ALG6: variants seen among roughly 807,000 people sequenced by gnomAD.
The protein encoded by ALG6 is dolichyl pyrophosphate Man9GlcNAc2 alpha-1,3-glucosyltransferase.
Under a neutral mutation model 66.6 loss-of-function variants are expected in ALG6, and 46 were observed. The ratio of observed to expected loss-of-function variants is 0.69; its 90% confidence interval spans 0.55 to 0.88. The LOEUF (loss-of-function observed/expected upper bound fraction) is 0.88, where lower values mean the gene tolerates loss of function less well. ALG6 is among the 40% of genes least tolerant of loss of function. The pLI is 0.00. For synonymous variants in ALG6, 185 were observed against 203.7 expected, an observed-to-expected ratio of 0.91 and a Z score of 0.78; for missense variants, 505 against 586.8, an observed-to-expected ratio of 0.86 and a Z score of 1.44.
chr1:63,413,035 G>T (rs1336352295), intron 9 of ALG6, among the ~76,000 whole-genome samples: 1 of 152,168 alleles, frequency 6.6e-6, no homozygotes, highest in African/African-American at 2.4e-5. Context: ...TGGTAGTGAT[G>T]ATCTAAATAA....
chr1:63,422,071 ATATC>A (rs1312144816), intron 12 of ALG6, among the ~76,000 whole-genome samples: 6 of 137,632 alleles, frequency 4.4e-5, no homozygotes, highest in South Asian at 2.1e-4. Flanking sequence ...ATTTATATAA[ATATC>A]TATATAAATA....
Position 63,411,900 on chromosome 1 carries a change from A to G in ALG6, c.681-26A>G. ...AGAATTACTGACCTTTCCCTATCTT[A>G]CTGCCTACCTTTGTTTTTGTTTTAG... is the stretch of plus-strand genomic sequence containing the variant. On this transcript the variant is annotated intron_variant, in intron 8 of 14. Coordinates refer to ENST00000263440, the MANE Select transcript of ALG6 (RefSeq NM_013339.4). 1.9e-6 allele frequency: 3 copies of G among 1,613,868 alleles called. No individual in the cohort carries two copies. In the Admixed American group the frequency reaches 5.0e-5, roughly 27 times the overall value.
intron 3 of ALG6, among the ~76,000 whole-genome samples, chr1:63,400,513 G>A (rs149613450): frequency 6.6e-6 from 1 of 150,544 alleles, no homozygotes; most frequent in Non-Finnish European, 1.5e-5. Context: ...CATAAGAATG[G>A]GGAGCACTGT....
rs1644440569 is a variant in ALG6 at position 63,400,205 on chromosome 1, A to AT, written c.168-2049_168-2048insT. Among the ~76,000 whole-genome samples the AT allele has an allele frequency of 4.8e-5, 2 of 41,664 alleles. 1 individual carries two copies. The highest frequency in any genetic ancestry group is 7.2e-5 in the Non-Finnish European group (2 of 27,654). 27.3% of individuals were successfully genotyped at this position (41,664 alleles called of 152,430 possible). A position where few individuals can be genotyped will look rare whatever the true frequency, so the allele number is the denominator to read the frequency against. ...GCAAAACTCTGTCTCAAAAAAAAAA[A>AT]AATATATATATATATACGTATATAT... On this transcript the variant is annotated intron_variant, in intron 3 of 14. Coordinates refer to ENST00000263440, the MANE Select transcript of ALG6 (RefSeq NM_013339.4).
intron 2 of ALG6, among the ~76,000 whole-genome samples, chr1:63,393,087 T>C (rs1189654170): frequency 6.6e-6 from 1 of 152,178 alleles, no homozygotes; most frequent in East Asian, 1.9e-4. Context: ...CTCTCTGACT[T>C]TTATTATCCC....
rs903370494 is a variant in ALG6 at position 63,437,474 on chromosome 1, C to T, written c.*454C>T. 2.9e-5 allele frequency: 5 copies of T among 174,014 alleles called. No homozygotes were observed. The highest frequency in any genetic ancestry group is 4.9e-5 in the Non-Finnish European group (4 of 81,752). 10.8% of individuals were successfully genotyped at this position (174,014 alleles called of 1,614,324 possible). A position where few individuals can be genotyped will look rare whatever the true frequency, so the allele number is the denominator to read the frequency against. On this transcript the variant is annotated 3_prime_UTR_variant, in exon 15 of 15. Coordinates refer to ENST00000263440, the MANE Select transcript of ALG6 (RefSeq NM_013339.4). Reference sequence around the variant, plus strand: ...TCACTAATTTTGGTATTCAAACTTACATTTTAGAATGCAAGTAGTGTGTAT... The same window carrying T: ...TCACTAATTTTGGTATTCAAACTTATATTTTAGAATGCAAGTAGTGTGTAT...
At chr1:63,407,979 A>T (rs1210889940) in intron 7 of ALG6, among the ~76,000 whole-genome samples, 3 of 152,180 alleles carry the variant, frequency 2.0e-5, no homozygotes, top group Non-Finnish European at 4.4e-5. Flanking sequence ...TATCAAGAAC[A>T]GTGATAGAAA....
chr1:63,429,187 T>C, intron 14 of ALG6, 61 bp downstream of exon 14: 1 of 1,220,642 alleles, frequency 8.2e-7, no homozygotes, highest in Non-Finnish European at 1.2e-6. Context: ...AAAAAATTAT[T>C]GAAGTAGTGA....
At chr1:63,430,675 C>T (rs778535289) in intron 14 of ALG6, among the ~76,000 whole-genome samples, 1 of 152,134 alleles carries the variant, frequency 6.6e-6, no homozygotes, top group South Asian at 2.1e-4. Context: ...ATGTGCTTAT[C>T]GGCCATTTGT....
At chr1:63,410,444 T>C (rs12407241) in intron 7 of ALG6, among the ~76,000 whole-genome samples, 26,413 of 151,962 alleles carry the variant, frequency 0.17, 2,443 homozygotes, top group Middle Eastern at 0.25. Flanking sequence ...TTTGTAGAGA[T>C]GGGGTTTTGC....
intron 2 of ALG6, among the ~76,000 whole-genome samples, chr1:63,391,147 A>T (rs1453891261): frequency 2.6e-5 from 4 of 152,132 alleles, no homozygotes; most frequent in Non-Finnish European, 5.9e-5. Context: ...TTGTTTTAAG[A>T]TTGTAATTAA....
intron 7 of ALG6, among the ~76,000 whole-genome samples, chr1:63,410,125 C>G (rs1162752527): frequency 1.3e-5 from 2 of 152,274 alleles, no homozygotes; most frequent in East Asian, 1.9e-4. Context: ...TGAGTCTCCT[C>G]TATGTATATA....
At position 63,371,089 on chromosome 1, in the gene ALG6, A is replaced by G. The variant is rs373857344; in HGVS notation, c.82+30A>G. The G allele has an allele frequency of 4.6e-6, 7 of 1,514,260 alleles. No homozygotes were observed. The East Asian group carries it at 6.8e-5, about 15-fold the overall frequency. The allele number at this position is 1,514,260 out of a possible 1,614,324, so 93.8% of individuals were successfully genotyped here. ...TACATTTTTACTGGTTAAAAAAAAA[A>G]CGAAATTTTCCTTTGAATAGGTGTT... On this transcript the variant is annotated intron_variant, in intron 2 of 14. Coordinates refer to ENST00000263440, the MANE Select transcript of ALG6 (RefSeq NM_013339.4).
chr1:63,423,899 C>G (rs530896241), intron 12 of ALG6, among the ~76,000 whole-genome samples: 5 of 152,312 alleles, frequency 3.3e-5, no homozygotes, highest in African/African-American at 1.2e-4. Flanking sequence ...CCAGACTTTT[C>G]CATAGTGGCT....
At chr1:63,432,935 TTTTA>T (rs1644654816) in intron 14 of ALG6, among the ~76,000 whole-genome samples, 1 of 152,092 alleles carries the variant, frequency 6.6e-6, no homozygotes, top group Admixed American at 6.5e-5. Context: ...CTTGCCTAAT[TTTTA>T]TTTTTTATTT....
chr1:63,434,413 G>A (rs1237933358), intron 14 of ALG6, among the ~76,000 whole-genome samples: 1 of 152,190 alleles, frequency 6.6e-6, no homozygotes, highest in Non-Finnish European at 1.5e-5. Context: ...GGTGGGGGCA[G>A]TCGGGAGTAT....
intron 14 of ALG6, among the ~76,000 whole-genome samples, chr1:63,434,555 G>C (rs1236147507): frequency 6.6e-6 from 1 of 152,190 alleles, no homozygotes; most frequent in African/African-American, 2.4e-5. Flanking sequence ...ACTGAAGCTG[G>C]CTTTGAATGC....
In ALG6 at chr1:63,390,854, T is replaced by C. The variant is rs112483146; in HGVS notation, c.83-5659T>C. Among the ~76,000 whole-genome samples, 422 of 152,338 alleles carry C rather than the reference T, an allele frequency of 2.8e-3. 4 individuals are homozygous for C. Among genetic ancestry groups the C allele is most frequent in the African/African-American group, 9.3e-3 (387 of 41,588 alleles). On this transcript the variant is annotated intron_variant, in intron 2 of 14. Coordinates refer to ENST00000263440, the MANE Select transcript of ALG6 (RefSeq NM_013339.4). ...ACACACAGATTCTCTCTTCATGCCA[T>C]GCAGCTGCTGCTGGGGAATGGAGAA...
chr1:63,420,268 T>A (rs779261076), intron 12 of ALG6, among the ~76,000 whole-genome samples: 1 of 152,192 alleles, frequency 6.6e-6, no homozygotes, highest in Non-Finnish European at 1.5e-5. Flanking sequence ...TGCCATCCTC[T>A]GAGGCCCAAA....
Sources: allele counts gnomAD v4.1 joint callset (sites outside exome capture counted in the v4.1 genomes callset), GRCh38; gene constraint gnomAD v4.1.1; transcripts MANE v1.5; gene names NCBI Gene and HGNC (gene_info 2026-07-23, HGNC 2026-07-21).